Variants in PPP3CA observed in about 807,000 individuals in gnomAD.
PPP3CA encodes the protein protein phosphatase 3 catalytic subunit alpha.
A neutral mutation model predicts 66.5 loss-of-function variants in PPP3CA; 14 were observed. That is an observed-to-expected ratio of 0.21 (90% CI 0.14 to 0.33). The LOEUF is 0.33. Among genes scored for constraint, PPP3CA ranks in the 10% least tolerant of loss-of-function variants. The pLI, the probability that PPP3CA is intolerant of heterozygous loss-of-function variation, is 1.00. For missense variants in PPP3CA, 317 were observed against 639.5 expected (o/e 0.50, Z 5.44); for synonymous variants, 232 against 226.2 (o/e 1.03, Z -0.23).
At position 101,241,161 on chromosome 4, in the gene PPP3CA, C is replaced by T. The variant is rs147229847; in HGVS notation, c.59-45045G>A. ...GGATTACAAGCATAAGCCAACATGC[C>T]TGGCCAAGATACATAAGAGGAGATG... On this transcript the variant is annotated intron_variant, in intron 1 of 13. Transcript: ENST00000394854. 4.6e-4 allele frequency among the ~76,000 whole-genome samples: 70 copies of T among 152,204 alleles called. No individual in the cohort carries two copies. The East Asian group carries it at 0.012, about 26-fold the overall frequency.
At chr4:101,190,775 T>C (rs562052961) in intron 2 of PPP3CA, among the ~76,000 whole-genome samples, 16 of 152,294 alleles carry the variant, frequency 1.1e-4, no homozygotes, top group African/African-American at 3.9e-4. Context: ...TGCCAAGCAT[T>C]CTGTTTCATC....
chr4:101,032,228 G>C, intron 12 of PPP3CA, 39 bp downstream of exon 12: 1 of 1,428,644 alleles, frequency 7.0e-7, no homozygotes, highest in Non-Finnish European at 9.4e-7. Context: ...AGCTGACTGC[G>C]ATGCCCCAGC....
intron 1 of PPP3CA, among the ~76,000 whole-genome samples, chr4:101,232,607 T>C (rs1725998526): frequency 6.6e-6 from 1 of 151,744 alleles, no homozygotes; most frequent in Non-Finnish European, 1.5e-5. Flanking sequence ...ACTGACCACA[T>C]GGAAACCAAA....
At chr4:101,141,728 T>C (rs758703192) in intron 2 of PPP3CA, among the ~76,000 whole-genome samples, 1 of 152,162 alleles carries the variant, frequency 6.6e-6, no homozygotes, top group Non-Finnish European at 1.5e-5. Context: ...CTCACTTATT[T>C]TGTATTCTTT....
intron 6 of PPP3CA, among the ~76,000 whole-genome samples, chr4:101,089,180 A>G (rs549337469): frequency 1.9e-4 from 29 of 152,266 alleles, no homozygotes; most frequent in African/African-American, 6.7e-4. Context: ...GTTTACAGTG[A>G]ATCTAGGGAA....
At chr4:101,236,939 C>T (rs575663518) in intron 1 of PPP3CA, among the ~76,000 whole-genome samples, 2 of 150,318 alleles carry the variant, frequency 1.3e-5, no homozygotes, top group South Asian at 2.1e-4. Context: ...TGTAAAATGG[C>T]GATAATAGAG....
At chr4:101,045,404 A>G (rs373772325) in intron 10 of PPP3CA, among the ~76,000 whole-genome samples, 43 of 152,348 alleles carry the variant, frequency 2.8e-4, no homozygotes, top group African/African-American at 9.6e-4. Flanking sequence ...CATTTATACC[A>G]TGAAAATCTG....
chr4:101,144,118 A>G (rs1196474300), intron 2 of PPP3CA, among the ~76,000 whole-genome samples: 1 of 152,116 alleles, frequency 6.6e-6, no homozygotes, highest in Non-Finnish European at 1.5e-5. Flanking sequence ...GTCTTGGTTC[A>G]AGCGCTGTCT....
intron 4 of PPP3CA, among the ~76,000 whole-genome samples, 188 bp from the exon 5 acceptor site, chr4:101,098,700 C>T (rs1434515902): frequency 6.6e-6 from 1 of 151,794 alleles, no homozygotes; most frequent in African/African-American, 2.4e-5. Flanking sequence ...TCTAGTATTT[C>T]CTGTTTTTGT....
chr4:101,098,367 T>C lies in PPP3CA; in HGVS notation c.642A>G (p.Lys214=), dbSNP rs777438449. The change falls in exon 5 of 14, where the codon AAA becomes AAG. Residue 214 remains lysine, a splice_region_variant and synonymous_variant. Coordinates refer to ENST00000394854, the MANE Select transcript of PPP3CA (RefSeq NM_000944.5). ...AGACTTGGAAAATAACAAAACTTAC[T>C]TTTCTGATATCATCTAAAGTGTTAA... ...PEINTLDDIR[K]LDRFKEPPAY... 1.3e-6 allele frequency: 2 copies of C among 1,592,124 alleles called. No homozygotes were observed. Among genetic ancestry groups the C allele is most frequent in the South Asian group, 1.2e-5 (1 of 85,834 alleles).
intron 2 of PPP3CA, among the ~76,000 whole-genome samples, chr4:101,109,929 A>T (rs1721614091): frequency 6.6e-6 from 1 of 152,192 alleles, no homozygotes; most frequent in Non-Finnish European, 1.5e-5. Flanking sequence ...TCAGTTATAC[A>T]GATAATGAAA....
intron 2 of PPP3CA, among the ~76,000 whole-genome samples, chr4:101,124,725 G>GAAAGAA (rs1412415941): frequency 6.8e-5 from 4 of 58,830 alleles, no homozygotes; most frequent in Non-Finnish European, 7.5e-5. Flanking sequence ...AAGAAAGAAA[G>GAAAGAA]AGAAAGAAAG....
chr4:101,094,030 A>G (rs550208641), intron 5 of PPP3CA, 115 bp from the exon 6 acceptor site: 1 of 935,386 alleles, frequency 1.1e-6, no homozygotes, highest in South Asian at 2.6e-5. Flanking sequence ...GCTACAGCTC[A>G]GGGTGAAATG....
chr4:101,310,990 A>C (rs1376501849), intron 1 of PPP3CA, among the ~76,000 whole-genome samples: 4 of 152,236 alleles, frequency 2.6e-5, no homozygotes, highest in Admixed American at 6.5e-5. Context: ...AAAATAAATA[A>C]GCTTTATGGA....
rs72209493 is a variant in PPP3CA, at chr4:101,324,154, GAGGAAGGAAGGAAGGAAGGA to G, written c.58+22565_58+22584del. Among the ~76,000 whole-genome samples the G allele has an allele frequency of 5.7e-3, 376 of 66,410 alleles. 4 individuals are homozygous for G. The highest frequency in any genetic ancestry group is 0.015 in the African/African-American group (309 of 20,086). The allele number at this position is 66,410 out of a possible 152,430, so 43.6% of individuals were successfully genotyped here. A position where few individuals can be genotyped will look rare whatever the true frequency, so the allele number is the denominator to read the frequency against. ...AGGGAAGGAAGGGAAGGAAGGGAGG[GAGGAAGGAAGGAAGGAAGGA>G]AGGAAGGAAGGAAGGAAGGAAGGAA... On this transcript the variant is annotated intron_variant, in intron 1 of 13. Coordinates refer to ENST00000394854, the MANE Select transcript of PPP3CA (RefSeq NM_000944.5).
chr4:101,160,899 G>A (rs17030831), intron 2 of PPP3CA, among the ~76,000 whole-genome samples: 11,506 of 152,148 alleles, frequency 0.076, 613 homozygotes, highest in East Asian at 0.19. Flanking sequence ...CTGAATCCTT[G>A]TTGAAGTTCA....
intron 1 of PPP3CA, among the ~76,000 whole-genome samples, chr4:101,301,356 A>C (rs1401963588): frequency 6.6e-6 from 1 of 150,400 alleles, no homozygotes; most frequent in Non-Finnish European, 1.5e-5. Context: ...TGTGTTATGA[A>C]TCACCCAATT....
chr4:101,265,869 A>G (rs1466182181), intron 1 of PPP3CA, among the ~76,000 whole-genome samples: 1 of 152,202 alleles, frequency 6.6e-6, no homozygotes, highest in Non-Finnish European at 1.5e-5. Flanking sequence ...GAGGGGAATA[A>G]ACATAGAAAG....
Position 101,232,501 on chromosome 4 carries a change from T to C in PPP3CA, c.59-36385A>G, listed in dbSNP as rs568716568. Among the ~76,000 whole-genome samples, 69 of 151,926 alleles carry C rather than the reference T, an allele frequency of 4.5e-4. No homozygotes were observed. The South Asian group carries it at 4.6e-3, about 10-fold the overall frequency. The stretch of plus-strand genomic sequence containing the variant: ...ATAAAATCAGCAAGAGTATATGCAA[T>C]AGAAATAAATGCTTTATCTCTAGTT... On this transcript the variant is annotated intron_variant, in intron 1 of 13. Transcript: ENST00000394854.
Sources: allele counts gnomAD v4.1 joint callset (sites outside exome capture counted in the v4.1 genomes callset), GRCh38; gene constraint gnomAD v4.1.1; transcripts MANE v1.5; gene names NCBI Gene and HGNC (gene_info 2026-07-23, HGNC 2026-07-21).